Variants in RUVBL2 observed in about 807,000 individuals in gnomAD.
The protein encoded by RUVBL2 is ruvB-like 2.
RUVBL2 carries 9 observed loss-of-function variants against 57.9 expected under a neutral mutation model. The ratio of observed to expected loss-of-function variants is 0.16; its 90% CI spans 0.09 to 0.27. The LOEUF is 0.27. Among genes scored for constraint, RUVBL2 ranks in the 10% least tolerant of loss-of-function variants. RUVBL2 has a pLI of 1.00. For missense variants in RUVBL2, 456 were observed against 669.6 expected (o/e 0.68, Z 3.52); for synonymous variants, 278 against 264.6 (o/e 1.05, Z -0.49).
At position 49,015,703 on chromosome 19, in the gene RUVBL2, C is replaced by A. The variant is rs759919829; in HGVS notation, c.1366+17C>A. On this transcript the variant is annotated intron_variant, in intron 14 of 14. Coordinates refer to ENST00000595090, the MANE Select transcript of RUVBL2 (RefSeq NM_006666.3). Reference sequence around the variant, plus strand: ...ACGAACTCAGTAAGAATCCCCACCCCGCACCTGCACTGCCAGAGCCAACCT... The same window carrying A: ...ACGAACTCAGTAAGAATCCCCACCCAGCACCTGCACTGCCAGAGCCAACCT... The A allele has an allele frequency of 1.6e-5, 26 of 1,610,940 alleles. No individual in the cohort carries two copies. The highest frequency in any genetic ancestry group is 9.3e-6 in the Non-Finnish European group (11 of 1,177,238).
chr19:49,015,279 G>A (rs1439157312), intron 13 of RUVBL2, 129 bp downstream of exon 13: 1 of 1,343,364 alleles, frequency 7.4e-7, no homozygotes, highest in Non-Finnish European at 1.0e-6. Context: ...TCATCCCTCA[G>A]GTTGGCTTCT....
intron 6 of RUVBL2, 148 bp from the exon 7 acceptor site, chr19:49,009,625 GTCT>G: frequency 1.5e-6 from 1 of 686,334 alleles, no homozygotes; most frequent in Non-Finnish European, 2.5e-6. Flanking sequence ...CGCACCGTAT[GTCT>G]TCCCTGGAGA....
chr19:49,001,163 ATTT>A (rs546503511), intron 2 of RUVBL2, among the ~76,000 whole-genome samples: 1 of 137,358 alleles, frequency 7.3e-6, no homozygotes, highest in Non-Finnish European at 1.6e-5. Context: ...AAATAAAAAC[ATTT>A]TTTTTTTTTT....
At chr19:49,000,028 A>G (rs1469662522) in intron 2 of RUVBL2, among the ~76,000 whole-genome samples, 1 of 152,198 alleles carries the variant, frequency 6.6e-6, no homozygotes, top group Non-Finnish European at 1.5e-5. Context: ...CGAGAAAGGC[A>G]GTAAGGGCTT....
intron 6 of RUVBL2, 80 bp downstream of exon 6, chr19:49,007,448 GAGGT>G: frequency 7.7e-7 from 1 of 1,290,916 alleles, no homozygotes; most frequent in Non-Finnish European, 1.1e-6. Flanking sequence ...GGTCTGCACT[GAGGT>G]CAGAATCCCA....
intron 11 of RUVBL2, 149 bp from the exon 12 acceptor site, chr19:49,014,335 A>T (rs1048399921): frequency 1.4e-5 from 12 of 884,526 alleles, no homozygotes; most frequent in Non-Finnish European, 1.7e-5. Context: ...ATCAGGGGTG[A>T]TGTCATCATG....
intron 11 of RUVBL2, among the ~76,000 whole-genome samples, chr19:49,012,879 A>ACACACACACACACACACACACG (rs1406449184): frequency 6.6e-6 from 1 of 150,446 alleles, no homozygotes; most frequent in African/African-American, 2.5e-5. Context: ...ACACACACAC[A>ACACACACACACACACACACACG]CACACCACCC....
chr19:49,007,300 A>G lies in RUVBL2; in HGVS notation c.396-2A>G. 1 of 1,613,800 alleles carries G rather than the reference A, an allele frequency of 6.2e-7. No individual in the cohort carries two copies. Among genetic ancestry groups the G allele is most frequent in the Non-Finnish European group, 8.5e-7 (1 of 1,179,844 alleles). ...GTCTCCTCAGATCTGCTCTCTGGCT[A>G]GGGAGGAGACGGAGATCATCGAAGG... On this transcript the variant is annotated splice_acceptor_variant, in intron 5 of 14. Coordinates refer to ENST00000595090, the MANE Select transcript of RUVBL2 (RefSeq NM_006666.3). LOFTEE classifies it high-confidence loss of function.
Position 48,998,702 on chromosome 19 carries a change from C to T in RUVBL2, c.13-617C>T, listed in dbSNP as rs867304748. Among the ~76,000 whole-genome samples the T allele has an allele frequency of 5.9e-5, 8 of 135,352 alleles. No individual in the cohort carries two copies. In the East Asian group the frequency reaches 6.7e-4, roughly 11 times the overall value. 88.8% of individuals were successfully genotyped at this position (135,352 alleles called of 152,430 possible). ...CCAACCTGGGCGACAGAGCAGACTCCGTCTCAAAAAATAAGAAAAAAAAAA... is the reference window on the plus strand; with the variant it reads ...CCAACCTGGGCGACAGAGCAGACTCTGTCTCAAAAAATAAGAAAAAAAAAA... On this transcript the variant is annotated intron_variant, in intron 1 of 14. Transcript: ENST00000595090.
intron 6 of RUVBL2, among the ~76,000 whole-genome samples, chr19:49,009,335 A>G (rs1172205787): frequency 6.8e-6 from 1 of 146,874 alleles, no homozygotes; most frequent in Admixed American, 6.8e-5. Context: ...AAAAATACAA[A>G]AATTAGCCAT....
At chr19:48,999,442 T>A in intron 2 of RUVBL2, 69 bp downstream of exon 2, 1 of 1,519,580 alleles carries the variant, frequency 6.6e-7, no homozygotes, top group Non-Finnish European at 9.1e-7. Context: ...GCAAACCTAT[T>A]GAGGACCCCT....
intron 1 of RUVBL2, 120 bp downstream of exon 1, chr19:48,994,043 T>A: frequency 4.2e-6 from 4 of 962,106 alleles, no homozygotes; most frequent in Non-Finnish European, 4.3e-6. Context: ...TTCAGACTCC[T>A]GGGTCTGAAA....
chr19:49,002,163 C>T (rs1296035572), intron 2 of RUVBL2, among the ~76,000 whole-genome samples: 1 of 151,926 alleles, frequency 6.6e-6, no homozygotes, highest in African/African-American at 2.4e-5. Context: ...ACTCTCATGC[C>T]TCAGCCTCCC....
At chr19:48,998,885 G>A (rs781297510) in intron 1 of RUVBL2, among the ~76,000 whole-genome samples, 7 of 148,802 alleles carry the variant, frequency 4.7e-5, no homozygotes, top group South Asian at 2.1e-4. Flanking sequence ...AAAATTAGCC[G>A]GGTGTGTTGA....
chr19:49,011,348 G>T lies in RUVBL2; in HGVS notation c.1001+38G>T. ...CAGGGGCCTCTGGGGAAAACAGGAT[G>T]CTCTGGGCAGTGGGTGTGGTCAGAG... On this transcript the variant is annotated intron_variant, in intron 11 of 14. Transcript: ENST00000595090. This position sits in a 1 kb window ranked among gnomAD's most constrained non-coding sequence, Gnocchi z 4.4. 1 of 1,544,178 alleles carries T rather than the reference G, an allele frequency of 6.5e-7. No homozygotes were observed. Among genetic ancestry groups the T allele is most frequent in the Non-Finnish European group, 8.9e-7 (1 of 1,118,724 alleles).
rs373693829 is a variant in RUVBL2 at position 49,015,625 on chromosome 19, C to T, written c.1305C>T (p.Asp435=). 1.2e-5 allele frequency: 20 copies of T among 1,614,094 alleles called. No homozygotes were observed. The highest frequency in any genetic ancestry group is 5.5e-5 in the South Asian group (5 of 91,076). Reference sequence around the variant, plus strand: ...AGCGGGTCTACTCACTCTTCCTGGACGAGTCCCGCTCCACGCAGTACATGA... The same window carrying T: ...AGCGGGTCTACTCACTCTTCCTGGATGAGTCCCGCTCCACGCAGTACATGA... ...DIKRVYSLFL[D]ESRSTQYMKE... is the part of the protein sequence containing the mutation. Residue 435 remains aspartate, a synonymous_variant, in exon 14 of 15, where the codon GAC becomes GAT. Coordinates refer to ENST00000595090, the MANE Select transcript of RUVBL2 (RefSeq NM_006666.3).
chr19:49,007,006 C>T lies in RUVBL2; in HGVS notation c.266-12C>T, dbSNP rs2122618435. The T allele has an allele frequency of 1.2e-6, 2 of 1,612,162 alleles. No homozygotes were observed. The highest frequency in any genetic ancestry group is 1.1e-5 in the South Asian group (1 of 91,054). On this transcript the variant is annotated splice_polypyrimidine_tract_variant and intron_variant, in intron 4 of 14. Transcript: ENST00000595090. The stretch of plus-strand genomic sequence containing the variant: ...AGAGCGGCTTCACCTACACAGACTG[C>T]CTCCTTCCCAGGCATGGCGCAGGCC...
At chr19:49,003,172 TC>T in intron 2 of RUVBL2, 106 bp from the exon 3 acceptor site, 1 of 532,704 alleles carries the variant, frequency 1.9e-6, no homozygotes, top group South Asian at 1.4e-5. Flanking sequence ...TGCTCCCTAC[TC>T]CCACCCACCC....
intron 2 of RUVBL2, among the ~76,000 whole-genome samples, chr19:49,000,589 G>A (rs2039159579): frequency 6.6e-6 from 1 of 151,644 alleles, no homozygotes; most frequent in Non-Finnish European, 1.5e-5. Context: ...CCGAGACTGG[G>A]TGCTGTAGCT....
Sources: gnomAD v4.1 joint callset for allele counts (sites outside exome capture counted in the v4.1 genomes callset) on GRCh38, gnomAD v4.1.1 for gene constraint, Gnocchi (gnomAD v3.1) non-coding constraint, MANE v1.5 for transcripts, NCBI Gene and HGNC (gene_info 2026-07-23, HGNC 2026-07-21) for gene names.